The following ATP2B1 variants were observed in gnomAD, a reference collection of about 807,000 sequenced individuals.
The protein encoded by ATP2B1 is plasma membrane calcium-transporting ATPase 1.
A neutral mutation model predicts 124.2 loss-of-function variants in ATP2B1; 14 were observed. The observed-to-expected ratio is 0.11, with a 90% confidence interval of 0.07 to 0.18. ATP2B1 has a LOEUF of 0.18. ATP2B1 is among the 10% of genes least tolerant of loss of function. The pLI is 1.00. For synonymous variants in ATP2B1, 449 were observed against 492.4 expected (o/e 0.91, Z 1.17); for missense variants, 763 against 1,466.1 (o/e 0.52, Z 7.83).
At chr12:89,694,038 A>C (rs995728498) in intron 1 of ATP2B1, among the ~76,000 whole-genome samples, 13 of 152,202 alleles carry the variant, frequency 8.5e-5, no homozygotes, top group African/African-American at 3.1e-4. Flanking sequence ...CCAGGACAAG[A>C]AGACTGGTTT....
chr12:89,642,847 C>T (rs983507904), intron 2 of ATP2B1, among the ~76,000 whole-genome samples: 2 of 151,884 alleles, frequency 1.3e-5, no homozygotes, highest in South Asian at 4.1e-4. Flanking sequence ...TAAGGTGATG[C>T]ACCTGCCTCA....
At chr12:89,698,829 C>T (rs1891484329) in intron 1 of ATP2B1, among the ~76,000 whole-genome samples, 1 of 152,080 alleles carries the variant, frequency 6.6e-6, no homozygotes, top group Non-Finnish European at 1.5e-5. Context: ...TCTATTCTGG[C>T]CAGAATTCTG....
intron 11 of ATP2B1, among the ~76,000 whole-genome samples, chr12:89,619,157 G>C (rs1879513301): frequency 6.6e-6 from 1 of 152,128 alleles, no homozygotes; most frequent in Non-Finnish European, 1.5e-5. Context: ...AATGACAGGA[G>C]ATATTTAAAT....
intron 1 of ATP2B1, among the ~76,000 whole-genome samples, chr12:89,688,313 A>T (rs1337590661): frequency 6.6e-6 from 1 of 152,146 alleles, no homozygotes; most frequent in Non-Finnish European, 1.5e-5. Flanking sequence ...AGCAGTTCAA[A>T]CTATTAACTG....
At chr12:89,595,002 A>G (rs1332386592) in intron 20 of ATP2B1, 1 of 152,072 alleles carries the variant, frequency 6.6e-6, no homozygotes, top group Non-Finnish European at 1.5e-5. Flanking sequence ...TGTTTTCCAA[A>G]GTTGGGTACT....
chr12:89,611,499 A>G (rs1368324934), intron 12 of ATP2B1, 127 bp from the exon 13 acceptor site: 1 of 709,410 alleles, frequency 1.4e-6, no homozygotes, highest in East Asian at 3.2e-5. Context: ...ATGACTTAAT[A>G]ATGATTGATT....
intron 12 of ATP2B1, among the ~76,000 whole-genome samples, chr12:89,613,863 C>G (rs1332195090): frequency 6.6e-6 from 1 of 152,196 alleles, no homozygotes; most frequent in Non-Finnish European, 1.5e-5. Context: ...AGTACTTATA[C>G]ATATGTAATA....
At position 89,603,638 on chromosome 12, in the gene ATP2B1, C is replaced by T. The variant is rs761079915; in HGVS notation, c.2848+74G>A. On this transcript the variant is annotated intron_variant, in intron 17 of 20. Transcript: ENST00000428670. This position sits in a 1 kb window ranked among gnomAD's most constrained non-coding sequence, Gnocchi z 4.3. Reference sequence around the variant, plus strand: ...AATTTAGGCTCTTGAAAATTTGTAACATTATAACATCTTGGATGATTAGCT... The same window carrying T: ...AATTTAGGCTCTTGAAAATTTGTAATATTATAACATCTTGGATGATTAGCT... 6.4e-5 allele frequency: 95 copies of T among 1,475,990 alleles called. No homozygotes were observed. Among genetic ancestry groups the T allele is most frequent in the Non-Finnish European group, 8.5e-5 (91 of 1,068,222 alleles). 91.4% of individuals were successfully genotyped at this position (1,475,990 alleles called of 1,614,324 possible).
At chr12:89,604,414 C>A in intron 15 of ATP2B1, 68 bp from the exon 16 acceptor site, 1 of 1,265,342 alleles carries the variant, frequency 7.9e-7, no homozygotes, top group East Asian at 2.4e-5. Flanking sequence ...TCAAAAAATA[C>A]ACACTTAATA....
intron 1 of ATP2B1, among the ~76,000 whole-genome samples, chr12:89,695,902 T>G (rs1891090306): frequency 6.6e-6 from 1 of 152,128 alleles, no homozygotes. Flanking sequence ...CAGCTCAAAT[T>G]TAAAAGAAAC....
chr12:89,588,293 T>C lies in ATP2B1; in HGVS notation c.*2691A>G, dbSNP rs1459611752. 6.6e-6 allele frequency: 1 copy of C among 152,520 alleles called. No individual in the cohort carries two copies. The highest frequency in any genetic ancestry group is 1.5e-5 in the Non-Finnish European group (1 of 67,992). 9.4% of individuals were successfully genotyped at this position (152,520 alleles called of 1,614,324 possible). On this transcript the variant is annotated 3_prime_UTR_variant, in exon 21 of 21. Transcript: ENST00000428670. ...ACCAATTCTTGGTTCAAAACTGACA[T>C]CTGTTATGAAAATTACCATATCACA...
intron 1 of ATP2B1, among the ~76,000 whole-genome samples, chr12:89,704,112 T>A (rs1270387772): frequency 6.6e-6 from 1 of 152,186 alleles, no homozygotes; most frequent in Non-Finnish European, 1.5e-5. Flanking sequence ...AAATGAATAT[T>A]TCAAAGAGAT....
intron 1 of ATP2B1, among the ~76,000 whole-genome samples, chr12:89,683,897 A>C (rs1448829452): frequency 6.6e-6 from 1 of 152,168 alleles, no homozygotes; most frequent in African/African-American, 2.4e-5. Flanking sequence ...AAATGAACCA[A>C]GTTTTTCATT....
At chr12:89,691,697 A>C (rs930789657) in intron 1 of ATP2B1, among the ~76,000 whole-genome samples, 1 of 152,140 alleles carries the variant, frequency 6.6e-6, no homozygotes, top group Non-Finnish European at 1.5e-5. Context: ...CAGATTTGCA[A>C]ACAGATAAAC....
intron 1 of ATP2B1, among the ~76,000 whole-genome samples, chr12:89,700,311 A>C (rs1002115425): frequency 1.3e-5 from 2 of 152,112 alleles, no homozygotes; most frequent in Non-Finnish European, 2.9e-5. Flanking sequence ...CCATTCACTG[A>C]CTGACCTTCC....
intron 1 of ATP2B1, among the ~76,000 whole-genome samples, chr12:89,694,822 C>T (rs989461016): frequency 2.0e-5 from 3 of 151,982 alleles, no homozygotes; most frequent in Admixed American, 6.6e-5. Flanking sequence ...TTTGTGAGGC[C>T]GAGGAAGGGG....
At chr12:89,609,086 A>T (rs2135987864) in intron 15 of ATP2B1, among the ~76,000 whole-genome samples, 1 of 152,330 alleles carries the variant, frequency 6.6e-6, no homozygotes, top group East Asian at 1.9e-4. Flanking sequence ...TTATGCAAAT[A>T]AACATTTGTA....
intron 1 of ATP2B1, among the ~76,000 whole-genome samples, chr12:89,704,074 C>A (rs1028779803): frequency 6.6e-6 from 1 of 152,044 alleles, no homozygotes; most frequent in African/African-American, 2.4e-5. Context: ...TCATTTGGAA[C>A]CTTTTAAACT....
chr12:89,682,774 C>G (rs189789973), intron 1 of ATP2B1, among the ~76,000 whole-genome samples: 1 of 152,118 alleles, frequency 6.6e-6, no homozygotes. Flanking sequence ...ACTCTGTAAT[C>G]GGAGTACAGG....
Sources: allele counts gnomAD v4.1 joint callset (sites outside exome capture counted in the v4.1 genomes callset), GRCh38; gene constraint gnomAD v4.1.1; non-coding constraint Gnocchi (gnomAD v3.1); transcripts MANE v1.5; gene names NCBI Gene and HGNC (gene_info 2026-07-23, HGNC 2026-07-21).